Variants in RUSC2 observed in about 807,000 individuals in gnomAD.
The protein encoded by RUSC2 is AP-4 complex accessory subunit RUSC2.
In RUSC2, 34 loss-of-function variants were observed where a neutral mutation model predicts 122.2. That is an observed-to-expected ratio of 0.28 (90% CI 0.21 to 0.37). The LOEUF is 0.37. Ranked by LOEUF, RUSC2 falls within the 10% of genes least tolerant of loss-of-function variation. RUSC2 has a pLI of 1.00. For missense variants in RUSC2, 1,747 were observed against 1,952.4 expected (o/e 0.89, Z 1.98); for synonymous variants, 784 against 790.0 (o/e 0.99, Z 0.13).
chr9:35,539,322 A>C (rs999226121), intron 1 of RUSC2, among the ~76,000 whole-genome samples: 1 of 152,166 alleles, frequency 6.6e-6, no homozygotes, highest in African/African-American at 2.4e-5. Context: ...GGGAAAAGCC[A>C]AGGCTTGGGC....
At position 35,561,426 on chromosome 9, in the gene RUSC2, A is replaced by AGACTC; in HGVS notation, c.*45_*49dup. ...GGCCTCAGGGACCCTCATAACCCCC[A>AGACTC]GACTCAGAGCCCGAGAGCCCTTCCC... On this transcript the variant is annotated 3_prime_UTR_variant, in exon 12 of 12. Coordinates refer to ENST00000361226, the MANE Select transcript of RUSC2 (RefSeq NM_014806.5). The AGACTC allele has an allele frequency of 6.6e-7, 1 of 1,513,118 alleles. No homozygotes were observed. Among genetic ancestry groups the AGACTC allele is most frequent in the Non-Finnish European group, 9.0e-7 (1 of 1,114,104 alleles). The allele number at this position is 1,513,118 out of a possible 1,614,324, so 93.7% of individuals were successfully genotyped here.
chr9:35,509,572 A>T (rs763749720), intron 1 of RUSC2, among the ~76,000 whole-genome samples: 1 of 152,194 alleles, frequency 6.6e-6, no homozygotes, highest in Non-Finnish European at 1.5e-5. Flanking sequence ...TTACAGGGGG[A>T]CAAAGAACAA....
chr9:35,547,043 G>A lies in RUSC2; in HGVS notation c.522G>A (p.Gln174=), dbSNP rs1821763433. Residue 174 remains glutamine (Q), a synonymous_variant, in exon 2 of 12, where the codon CAG becomes CAA. Coordinates refer to ENST00000361226, the MANE Select transcript of RUSC2 (RefSeq NM_014806.5). This position sits in a 1 kb window ranked among gnomAD's most constrained non-coding sequence, Gnocchi z 4.6. ...CTGGAGTGGTGGAAGGGCAGGAACAGGAGCCAGTGATGACCTTGGATACTC... is the reference window on the plus strand; with the variant it reads ...CTGGAGTGGTGGAAGGGCAGGAACAAGAGCCAGTGATGACCTTGGATACTC... ...SRAGVVEGQE[Q]EPVMTLDTQQ... is the part of the protein sequence containing the mutation. 3.1e-6 allele frequency: 5 copies of A among 1,611,028 alleles called. No individual in the cohort carries two copies. The highest frequency in any genetic ancestry group is 4.2e-6 in the Non-Finnish European group (5 of 1,178,090).
chr9:35,549,009 G>A, intron 2 of RUSC2: 1 of 932,576 alleles, frequency 1.1e-6, no homozygotes, highest in Non-Finnish European at 1.3e-6. Flanking sequence ...TCCAGCCTGG[G>A]CAGACAGAGT....
At chr9:35,515,798 G>A (rs1587843337) in intron 1 of RUSC2, among the ~76,000 whole-genome samples, 1 of 151,482 alleles carries the variant, frequency 6.6e-6, no homozygotes, top group African/African-American at 2.4e-5. Flanking sequence ...CAGGAAGTTG[G>A]GAACAGCCTG....
At position 35,556,147 on chromosome 9, in the gene RUSC2, C is replaced by A. The variant is rs1315758389; in HGVS notation, c.2842+10C>A. On this transcript the variant is annotated intron_variant, in intron 4 of 11. Coordinates refer to ENST00000361226, the MANE Select transcript of RUSC2 (RefSeq NM_014806.5). The stretch of plus-strand genomic sequence containing the variant: ...AACTGCCGGCTGAATGGTGTGTGAG[C>A]AGGGTCCCCAGTACACCCGGGGCAG... The A allele has an allele frequency of 6.2e-7, 1 of 1,613,344 alleles. No homozygotes were observed. The highest frequency in any genetic ancestry group is 8.5e-7 in the Non-Finnish European group (1 of 1,179,588).
chr9:35,538,853 C>T (rs1821580927), intron 1 of RUSC2: 1 of 152,524 alleles, frequency 6.6e-6, no homozygotes, highest in Admixed American at 6.5e-5. Context: ...TTCCCTTCCC[C>T]CTTCCCTTAG....
intron 2 of RUSC2, 80 bp from the exon 3 acceptor site, chr9:35,554,980 T>C (rs1821977106): frequency 1.3e-6 from 2 of 1,540,240 alleles, no homozygotes; most frequent in South Asian, 1.1e-5. Context: ...CTCTCCCCTC[T>C]CCCATCTCTG....
intron 1 of RUSC2, among the ~76,000 whole-genome samples, chr9:35,536,697 C>T (rs1223480072): frequency 2.0e-5 from 3 of 150,394 alleles, no homozygotes; most frequent in African/African-American, 7.3e-5. Flanking sequence ...GCCTGTAATC[C>T]CAGCTACTCG....
At position 35,547,574 on chromosome 9, in the gene RUSC2, C is replaced by T. The variant is rs772745144; in HGVS notation, c.1053C>T (p.Cys351=). The change falls in exon 2 of 12, where the codon TGC becomes TGT. Residue 351 remains cysteine (C), a synonymous_variant. Transcript: ENST00000361226. This position sits in a 1 kb window ranked among gnomAD's most constrained non-coding sequence, Gnocchi z 4.6. ...GAGGAAGGGAAGGGGGCTATGGTTGCCCTCATGCCTCTTCTCCTGAGCTTG... is the reference window on the plus strand; with the variant it reads ...GAGGAAGGGAAGGGGGCTATGGTTGTCCTCATGCCTCTTCTCCTGAGCTTG... ...ESGGREGGYG[C]PHASSPELDA... is the part of the protein sequence containing the mutation. 23 of 1,614,154 alleles carry T rather than the reference C, an allele frequency of 1.4e-5. No individual in the cohort carries two copies. The highest frequency in any genetic ancestry group is 1.9e-5 in the Non-Finnish European group (23 of 1,180,012).
In RUSC2 at chr9:35,555,078, G is replaced by A. The variant is rs773308324; in HGVS notation, c.2033G>A (p.Arg678Gln). Residue 678 changes from arginine to glutamine, a missense_variant, in exon 3 of 12, where the codon CGA becomes CAA. Physicochemically the swap from Arg to Gln is conservative, Grantham distance 43. Coordinates refer to ENST00000361226, the MANE Select transcript of RUSC2 (RefSeq NM_014806.5). The surrounding 1 kb of genome is among the most constrained non-coding windows in gnomAD (Gnocchi z 4.6). ...GCTACAGGGGGTGGCACCGAGAGCC[G>A]ACCAGTCCTTCGCTACAGCAAGGAA... is the stretch of plus-strand genomic sequence containing the variant. ...ARADGGGTESRPVLRYSKEQR... is the reference protein window; with the variant it reads ...ARADGGGTESQPVLRYSKEQR... The A allele has an allele frequency of 2.6e-5, 42 of 1,612,420 alleles. No homozygotes were observed. The highest frequency in any genetic ancestry group is 7.7e-5 in the South Asian group (7 of 91,046).
chr9:35,498,051 A>G (rs1481255010), intron 1 of RUSC2, among the ~76,000 whole-genome samples: 1 of 152,180 alleles, frequency 6.6e-6, no homozygotes, highest in Non-Finnish European at 1.5e-5. Context: ...AAAAATGCTT[A>G]GGGTATTTGC....
At chr9:35,536,701 C>T (rs1486501675) in intron 1 of RUSC2, among the ~76,000 whole-genome samples, 2 of 149,716 alleles carry the variant, frequency 1.3e-5, no homozygotes, top group Non-Finnish European at 3.0e-5. Context: ...GTAATCCCAG[C>T]TACTCGGGAG....
chr9:35,558,070 T>G lies in RUSC2; in HGVS notation c.3060+80T>G. Reference sequence around the variant, plus strand: ...GCGCTACCACCTTCCCTTGCTGTCTTGCATTTAGAGCCCAGGGTTGGGTAC... The same window carrying G: ...GCGCTACCACCTTCCCTTGCTGTCTGGCATTTAGAGCCCAGGGTTGGGTAC... On this transcript the variant is annotated intron_variant, in intron 6 of 11. Coordinates refer to ENST00000361226, the MANE Select transcript of RUSC2 (RefSeq NM_014806.5). This position sits in a 1 kb window ranked among gnomAD's most constrained non-coding sequence, Gnocchi z 4.3. The G allele has an allele frequency of 6.3e-7, 1 of 1,583,864 alleles. No individual in the cohort carries two copies. Among genetic ancestry groups the G allele is most frequent in the Non-Finnish European group, 8.7e-7 (1 of 1,153,770 alleles).
chr9:35,556,981 C>T (rs1485945634), intron 5 of RUSC2, among the ~76,000 whole-genome samples: 2 of 152,112 alleles, frequency 1.3e-5, no homozygotes, highest in African/African-American at 4.8e-5. Flanking sequence ...ACGCTCCGGT[C>T]CCTTCCTGCA....
chr9:35,561,094 C>T lies in RUSC2; in HGVS notation c.4346C>T (p.Pro1449Leu), dbSNP rs201990592. Residue 1449 changes from proline (P) to leucine (L), a missense_variant, in exon 11 of 12, where the codon CCG (proline) becomes CTG (leucine). Physicochemically the swap from Pro to Leu is moderately conservative, Grantham distance 98. Transcript: ENST00000361226. ...PHSPALPSSP[P>L]CEVQALCHHL... is the part of the protein sequence containing the mutation. ...TCCCCAGCCCTGCCCTCCAGTCCTC[C>T]GTGGTAAGCCTGGGGAAACGGAAGG... The T allele has an allele frequency of 3.3e-5, 53 of 1,613,814 alleles. 1 individual carries two copies. Among genetic ancestry groups the T allele is most frequent in the African/African-American group, 4.0e-5 (3 of 74,948 alleles).
At position 35,560,540 on chromosome 9, in the gene RUSC2, CGAGAAA is replaced by C. The variant is rs1563876731; in HGVS notation, c.3901_3906del (p.Glu1301_Lys1302del). 1.2e-6 allele frequency: 2 copies of C among 1,613,946 alleles called. No individual in the cohort carries two copies. The highest frequency in any genetic ancestry group is 2.7e-5 in the African/African-American group (2 of 74,892). ...CTCGTGGTAGCAGCAACAGCAGCAG[CGAGAAA>C]AAGAAAGGGGCAGGAGGTGGGGGAC... On this transcript the variant is annotated inframe_deletion, in exon 10 of 12. Transcript: ENST00000361226.
intron 1 of RUSC2, among the ~76,000 whole-genome samples, chr9:35,495,030 TATATATACTATAGTATATATA>T (rs1413815200): frequency 2.1e-4 from 18 of 86,736 alleles, no homozygotes; most frequent in African/African-American, 5.5e-4. Context: ...TTTTATATAT[TATATATACTATAGTATATATA>T]ATATATACTA....
chr9:35,498,732 G>A (rs1432966801), intron 1 of RUSC2, among the ~76,000 whole-genome samples: 5 of 149,624 alleles, frequency 3.3e-5, no homozygotes, highest in African/African-American at 7.4e-5. Flanking sequence ...GTGGTGGTGC[G>A]TGCCTGTAGT....
Sources: allele counts gnomAD v4.1 joint callset (sites outside exome capture counted in the v4.1 genomes callset), GRCh38; gene constraint gnomAD v4.1.1; non-coding constraint Gnocchi (gnomAD v3.1); transcripts MANE v1.5; gene names NCBI Gene and HGNC (gene_info 2026-07-23, HGNC 2026-07-21).